CAPRIN1: variants seen among roughly 807,000 people sequenced by gnomAD.
CAPRIN1 encodes the protein caprin-1.
Under a neutral mutation model 100.9 loss-of-function variants are expected in CAPRIN1, and 29 were observed. The ratio of observed to expected loss-of-function variants is 0.29; its 90% confidence interval spans 0.21 to 0.39. CAPRIN1 has a LOEUF of 0.39. Ranked by LOEUF, CAPRIN1 falls within the 10% of genes least tolerant of loss-of-function variation. The pLI is 1.00. For missense variants in CAPRIN1, 795 were observed against 876.7 expected (o/e 0.91, Z 1.18); for synonymous variants, 338 against 307.5 (o/e 1.10, Z -1.04).
chr11:34,071,688 C>A, intron 2 of CAPRIN1, 38 bp from the exon 3 acceptor site: 1 of 1,487,584 alleles, frequency 6.7e-7, no homozygotes, highest in Non-Finnish European at 9.4e-7. Context: ...TATATACCTT[C>A]AAAACGGAAT....
intron 2 of CAPRIN1, among the ~76,000 whole-genome samples, chr11:34,062,727 T>A (rs1054541916): frequency 6.6e-6 from 1 of 152,114 alleles, no homozygotes; most frequent in African/African-American, 2.4e-5. Context: ...CTAGAAGTGA[T>A]TTATTTGGCC....
At chr11:34,098,290 T>TA in intron 18 of CAPRIN1, 17 of 984,660 alleles carry the variant, frequency 1.7e-5, no homozygotes, top group Non-Finnish European at 1.9e-5. Context: ...GTGATATAAA[T>TA]ATCAAGTTAT....
intron 9 of CAPRIN1, among the ~76,000 whole-genome samples, chr11:34,085,224 G>C (rs1016234396): frequency 6.6e-6 from 1 of 152,136 alleles, no homozygotes; most frequent in Non-Finnish European, 1.5e-5. Flanking sequence ...GAAATTATTA[G>C]AGCTGGGAAA....
At chr11:34,064,843 C>T (rs1023947510) in intron 2 of CAPRIN1, among the ~76,000 whole-genome samples, 4 of 151,382 alleles carry the variant, frequency 2.6e-5, no homozygotes, top group African/African-American at 4.9e-5. Context: ...AGGTTAGATT[C>T]GTAAACTGGT....
chr11:34,066,343 A>AT (rs1001249999), intron 2 of CAPRIN1, among the ~76,000 whole-genome samples: 2 of 150,218 alleles, frequency 1.3e-5, no homozygotes, highest in Non-Finnish European at 3.0e-5. Context: ...TTATTTATTT[A>AT]TTTTTTTTGA....
chr11:34,082,332 C>T (rs866523457), intron 7 of CAPRIN1, among the ~76,000 whole-genome samples: 53 of 152,166 alleles, frequency 3.5e-4, no homozygotes, highest in Middle Eastern at 3.4e-3. Context: ...GGATTGCAGG[C>T]GTCCGCCACC....
At position 34,100,056 on chromosome 11, in the gene CAPRIN1, T is replaced by A. The variant is rs1851430034; in HGVS notation, c.*689T>A. On this transcript the variant is annotated 3_prime_UTR_variant, in exon 19 of 19. Transcript: ENST00000341394. ...AAATTAGGCTTTGATTGGCACTTTTTGAAAAATATGCAACAAATATGGGAT... is the reference window on the plus strand; with the variant it reads ...AAATTAGGCTTTGATTGGCACTTTTAGAAAAATATGCAACAAATATGGGAT... 1 of 152,666 alleles carries A rather than the reference T, an allele frequency of 6.6e-6. No homozygotes were observed. Among genetic ancestry groups the A allele is most frequent in the Admixed American group, 6.5e-5 (1 of 15,286 alleles). The allele number at this position is 152,666 out of a possible 1,614,324, so 9.5% of individuals were successfully genotyped here. A position where few individuals can be genotyped will look rare whatever the true frequency, so the allele number is the denominator to read the frequency against.
chr11:34,067,296 G>A (rs1850717499), intron 2 of CAPRIN1, among the ~76,000 whole-genome samples: 1 of 152,064 alleles, frequency 6.6e-6, no homozygotes, highest in Non-Finnish European at 1.5e-5. Context: ...AGGAACTGTG[G>A]TCTGCTCTTT....
chr11:34,070,060 T>G (rs1850779552), intron 2 of CAPRIN1, among the ~76,000 whole-genome samples: 1 of 152,212 alleles, frequency 6.6e-6, no homozygotes, highest in South Asian at 2.1e-4. Context: ...TGTATGTTCA[T>G]AATTTATTGG....
intron 15 of CAPRIN1, chr11:34,095,864 T>C (rs1171637912): frequency 6.6e-6 from 1 of 152,280 alleles, no homozygotes. Flanking sequence ...GAGTACCATG[T>C]GATTGTTTTC....
intron 2 of CAPRIN1, among the ~76,000 whole-genome samples, chr11:34,063,877 C>T (rs530594383): frequency 1.3e-5 from 2 of 152,088 alleles, no homozygotes; most frequent in South Asian, 4.2e-4. Context: ...CTCAGCTCAC[C>T]GCTGCCTCAC....
chr11:34,076,591 C>T lies in CAPRIN1; in HGVS notation c.637C>T (p.His213Tyr). ...TGAACAGTATGAACATGCCTCCATTCACCTGTGGGACCTGCTGGAAGGGAA... is the reference window on the plus strand; with the variant it reads ...TGAACAGTATGAACATGCCTCCATTTACCTGTGGGACCTGCTGGAAGGGAA... Reference protein sequence around the residue: ...LNEQYEHASIHLWDLLEGKEK... With the variant: ...LNEQYEHASIYLWDLLEGKEK... The change falls in exon 6 of 19, where the codon CAC (histidine) becomes TAC (tyrosine). Residue 213 changes from histidine to tyrosine, a missense_variant. This residue lies in a region of CAPRIN1 where 648 missense variants were observed against 697.9 expected (regional missense o/e 0.93). Coordinates refer to ENST00000341394, the MANE Select transcript of CAPRIN1 (RefSeq NM_005898.5). The T allele has an allele frequency of 5.6e-6, 9 of 1,614,004 alleles. No individual in the cohort carries two copies. Among genetic ancestry groups the T allele is most frequent in the Non-Finnish European group, 7.6e-6 (9 of 1,179,858 alleles).
chr11:34,079,176 G>A (rs1850962561), intron 6 of CAPRIN1, among the ~76,000 whole-genome samples: 1 of 152,236 alleles, frequency 6.6e-6, no homozygotes, highest in Non-Finnish European at 1.5e-5. Flanking sequence ...GGGAAGCCAA[G>A]GTGGGCATAT....
At chr11:34,066,495 G>A (rs534116387) in intron 2 of CAPRIN1, among the ~76,000 whole-genome samples, 112 of 151,594 alleles carry the variant, frequency 7.4e-4, no homozygotes, top group Middle Eastern at 6.8e-3. Flanking sequence ...CTCCATACCC[G>A]GCTCATTTTT....
intron 2 of CAPRIN1, among the ~76,000 whole-genome samples, chr11:34,064,954 GTTTTTTTTTTTTT>G (rs10551006): frequency 7.9e-5 from 5 of 63,140 alleles, no homozygotes; most frequent in South Asian, 7.6e-4. Flanking sequence ...CTGTATAATG[GTTTTTTTTTTTTT>G]TTTTTTTTTT....
intron 15 of CAPRIN1, among the ~76,000 whole-genome samples, chr11:34,095,504 A>G (rs978864572): frequency 1.3e-5 from 2 of 152,212 alleles, no homozygotes; most frequent in African/African-American, 4.8e-5. Context: ...TCTAACAACT[A>G]TTAATGTATT....
At position 34,081,167 on chromosome 11, in the gene CAPRIN1, A is replaced by T. The variant is rs370815275; in HGVS notation, c.826+1402A>T. On this transcript the variant is annotated intron_variant, in intron 7 of 18. Transcript: ENST00000341394. ...TTTGTAAGTAAATTCAGATTATGTG[A>T]TGGCAAACTATTTACTTATTTGGAA... Among the ~76,000 whole-genome samples the T allele has an allele frequency of 5.4e-4, 82 of 152,172 alleles. 1 individual carries two copies. The East Asian group carries it at 0.011, about 20-fold the overall frequency.
intron 2 of CAPRIN1, chr11:34,052,848 T>C: frequency 7.0e-7 from 1 of 1,435,078 alleles, no homozygotes; most frequent in Non-Finnish European, 9.1e-7. Context: ...GTCACCTGAC[T>C]CGGACGCGGC....
chr11:34,072,861 T>G (rs186945809), intron 4 of CAPRIN1, among the ~76,000 whole-genome samples: 1 of 152,348 alleles, frequency 6.6e-6, no homozygotes, highest in Non-Finnish European at 1.5e-5. Flanking sequence ...TAATACTGTA[T>G]TTTTACTGTA....
Sources: allele counts gnomAD v4.1 joint callset (sites outside exome capture counted in the v4.1 genomes callset), GRCh38; gene constraint gnomAD v4.1.1; regional missense constraint gnomAD v4.1.1; transcripts MANE v1.5; gene names NCBI Gene and HGNC (gene_info 2026-07-23, HGNC 2026-07-21).